CTNNA3: variants seen among roughly 807,000 people sequenced by gnomAD.
The protein encoded by CTNNA3 is catenin alpha 3, also known as catenin alpha-3.
A neutral mutation model predicts 95.7 loss-of-function variants in CTNNA3; 76 were observed. That is an observed-to-expected ratio of 0.79 (90% CI 0.66 to 0.96). CTNNA3 has a LOEUF of 0.96. CTNNA3 is among the 40% of genes least tolerant of loss of function. The pLI is 0.00. For missense variants in CTNNA3, 1,191 were observed against 1,089.8 expected (o/e 1.09, Z -1.31); for synonymous variants, 431 against 374.4 (o/e 1.15, Z -1.74).
intron 1 of CTNNA3, among the ~76,000 whole-genome samples, chr10:67,686,896 C>A (rs751310558): frequency 2.6e-5 from 4 of 152,068 alleles, no homozygotes; most frequent in Non-Finnish European, 4.4e-5. Context: ...TGATTCCCTC[C>A]TCAAGCAGGG....
At chr10:67,231,761 GA>G (rs777459711) in intron 5 of CTNNA3, among the ~76,000 whole-genome samples, 4 of 152,048 alleles carry the variant, frequency 2.6e-5, no homozygotes, top group African/African-American at 2.4e-5. Context: ...TGAAAACTTT[GA>G]AAAAAATTTA....
intron 5 of CTNNA3, among the ~76,000 whole-genome samples, chr10:67,496,649 A>T (rs1839033131): frequency 2.0e-5 from 3 of 152,192 alleles, no homozygotes; most frequent in Non-Finnish European, 4.4e-5. Flanking sequence ...TGGTTATCTC[A>T]TATGAATAAA....
chr10:66,629,479 G>A (rs1845058018), intron 9 of CTNNA3, among the ~76,000 whole-genome samples: 1 of 152,042 alleles, frequency 6.6e-6, no homozygotes, highest in African/African-American at 2.4e-5. Context: ...CTATATTTTT[G>A]CTGTCCTCTA....
At chr10:65,965,839 TA>T (rs537958790) in intron 17 of CTNNA3, among the ~76,000 whole-genome samples, 3 of 152,138 alleles carry the variant, frequency 2.0e-5, no homozygotes, top group Non-Finnish European at 2.9e-5. Context: ...CTAGTGTAAT[TA>T]AAAAAAATTT....
chr10:67,704,984 C>G (rs932994724), intron 1 of CTNNA3, among the ~76,000 whole-genome samples: 2 of 152,116 alleles, frequency 1.3e-5, no homozygotes, highest in Non-Finnish European at 2.9e-5. Context: ...AACAGACACT[C>G]CTCAAAAGAA....
intron 5 of CTNNA3, among the ~76,000 whole-genome samples, chr10:67,233,086 A>G (rs1865295333): frequency 6.6e-6 from 1 of 152,252 alleles, no homozygotes; most frequent in Non-Finnish European, 1.5e-5. Flanking sequence ...CCCACTGTCA[A>G]CATTAGACAG....
chr10:67,244,416 T>A (rs1865832261), intron 5 of CTNNA3, among the ~76,000 whole-genome samples: 1 of 152,208 alleles, frequency 6.6e-6, no homozygotes, highest in Non-Finnish European at 1.5e-5. Context: ...GTGCTCCCTA[T>A]GTTAACCAAT....
rs78440518 is a variant in CTNNA3 at position 66,952,761 on chromosome 10, G to T, written c.1048-177237C>A. Among the ~76,000 whole-genome samples the T allele has an allele frequency of 9.3e-3, 1,411 of 151,846 alleles. 12 individuals carry two copies. Among genetic ancestry groups the T allele is most frequent in the Non-Finnish European group, 0.014 (958 of 67,966 alleles). On this transcript the variant is annotated intron_variant, in intron 7 of 17. Transcript: ENST00000433211. ...TTACAGCCAGGGACTCTTCTGCTTG[G>T]TTAGTGCTTATGTCCTACTAGTTGT...
intron 14 of CTNNA3, among the ~76,000 whole-genome samples, chr10:66,088,552 T>C (rs895140904): frequency 4.6e-5 from 7 of 151,160 alleles, no homozygotes; most frequent in African/African-American, 1.7e-4. Context: ...GGTGAATATC[T>C]TTCTGCAGTT....
At chr10:66,409,500 CAT>C (rs2093084939) in intron 11 of CTNNA3, among the ~76,000 whole-genome samples, 1 of 151,916 alleles carries the variant, frequency 6.6e-6, no homozygotes, top group Non-Finnish European at 1.5e-5. Context: ...ATAATATAAT[CAT>C]AATAAAATAA....
chr10:67,710,930 G>C (rs1841103890), intron 1 of CTNNA3, among the ~76,000 whole-genome samples: 1 of 152,184 alleles, frequency 6.6e-6, no homozygotes, highest in Non-Finnish European at 1.5e-5. Flanking sequence ...ACGTGTTGTG[G>C]GAGGGACCAA....
intron 7 of CTNNA3, among the ~76,000 whole-genome samples, chr10:66,889,072 T>C (rs909170141): frequency 1.3e-5 from 2 of 152,176 alleles, no homozygotes; most frequent in African/African-American, 4.8e-5. Context: ...TGAAAAGACA[T>C]GGAAGAAACT....
At chr10:66,263,209 G>C (rs1289072146) in intron 13 of CTNNA3, among the ~76,000 whole-genome samples, 1 of 151,792 alleles carries the variant, frequency 6.6e-6, no homozygotes, top group Non-Finnish European at 1.5e-5. Flanking sequence ...GAGCATATTG[G>C]AACAAAGCAA....
chr10:67,288,192 G>A (rs571631407), intron 5 of CTNNA3, among the ~76,000 whole-genome samples: 31 of 152,170 alleles, frequency 2.0e-4, no homozygotes, highest in Admixed American at 6.5e-4. Flanking sequence ...CAGGAATACA[G>A]ATTTCTCCTG....
Position 66,553,517 on chromosome 10 carries a change from CTTTTTTTTTTTTTTTTTT to C in CTNNA3, c.1375-32762_1375-32745del. Among the ~76,000 whole-genome samples the C allele has an allele frequency of 3.8e-5, 2 of 52,224 alleles. 1 individual carries two copies. The highest frequency in any genetic ancestry group is 1.8e-4 in the African/African-American group (2 of 11,270). The allele number at this position is 52,224 out of a possible 152,430, so 34.3% of individuals were successfully genotyped here. A position where few individuals can be genotyped will look rare whatever the true frequency, so the allele number is the denominator to read the frequency against. Reference sequence around the variant, plus strand: ...AGATCTAATGATGAACAATACTTTTCTTTTTTTTTTTTTTTTTTTTTTTTTTTGAGGCGGAGTCTTGCT... The same window carrying C: ...AGATCTAATGATGAACAATACTTTTCTTTTTTTTTGAGGCGGAGTCTTGCT... On this transcript the variant is annotated intron_variant, in intron 10 of 17. Transcript: ENST00000433211.
At chr10:66,952,253 C>T (rs937776611) in intron 7 of CTNNA3, among the ~76,000 whole-genome samples, 5 of 152,128 alleles carry the variant, frequency 3.3e-5, no homozygotes, top group African/African-American at 1.2e-4. Flanking sequence ...TGAAACTATG[C>T]AGGGGACAGA....
intron 9 of CTNNA3, among the ~76,000 whole-genome samples, chr10:66,696,387 C>T (rs10458633): frequency 0.24 from 36,970 of 151,926 alleles, 5,675 homozygotes; most frequent in East Asian, 0.56. Flanking sequence ...AGACTATCCA[C>T]GATTTAAACC....
chr10:66,444,023 G>A (rs1380674202), intron 11 of CTNNA3, among the ~76,000 whole-genome samples: 2 of 152,100 alleles, frequency 1.3e-5, no homozygotes, highest in African/African-American at 2.4e-5. Context: ...ACTACGTGAA[G>A]AACGCAGAAG....
intron 12 of CTNNA3, among the ~76,000 whole-genome samples, chr10:66,335,512 C>T (rs1363247191): frequency 6.6e-6 from 1 of 152,064 alleles, no homozygotes. Context: ...CCCTCTTTGC[C>T]TGGGTATCAG....
Sources: gnomAD v4.1 joint callset for allele counts (sites outside exome capture counted in the v4.1 genomes callset) on GRCh38, gnomAD v4.1.1 for gene constraint, MANE v1.5 for transcripts, NCBI Gene and HGNC (gene_info 2026-07-23, HGNC 2026-07-21) for gene names.